The following GNS variants were observed in gnomAD, a reference collection of about 807,000 sequenced individuals.
GNS encodes glucosamine (N-acetyl)-6-sulfatase.
Under a neutral mutation model 69.7 loss-of-function variants are expected in GNS, and 40 were observed. That is an observed-to-expected ratio of 0.57 (90% CI 0.45 to 0.75). The LOEUF (loss-of-function observed/expected upper bound fraction) is 0.75. Ranked by LOEUF, GNS falls within the 30% of genes least tolerant of loss-of-function variation. The pLI is 0.00. For synonymous variants in GNS, 243 were observed against 251.6 expected, an observed-to-expected ratio of 0.97 and a Z score of 0.32; for missense variants, 565 against 685.5, an observed-to-expected ratio of 0.82 and a Z score of 1.96.
At chr12:64,726,908 T>C (rs1180907720) in intron 10 of GNS, among the ~76,000 whole-genome samples, 1 of 142,012 alleles carries the variant, frequency 7.0e-6, no homozygotes, top group Non-Finnish European at 1.5e-5. Flanking sequence ...TGAAAAGTGA[T>C]TCCCTGATCA....
At chr12:64,727,113 C>T (rs1305064928) in intron 10 of GNS, among the ~76,000 whole-genome samples, 8 of 151,648 alleles carry the variant, frequency 5.3e-5, no homozygotes, top group African/African-American at 2.4e-5. Flanking sequence ...CAGATAATAG[C>T]AAGTATTGGC....
At chr12:64,738,634 A>C (rs1869625678) in intron 8 of GNS, among the ~76,000 whole-genome samples, 1 of 152,048 alleles carries the variant, frequency 6.6e-6, no homozygotes, top group African/African-American at 2.4e-5. Context: ...CCAACATGGC[A>C]AAAACCCATC....
intron 5 of GNS, 149 bp from the exon 6 acceptor site, chr12:64,743,457 C>A: frequency 1.5e-6 from 1 of 668,520 alleles, no homozygotes; most frequent in African/African-American, 1.8e-5. Flanking sequence ...CATTTGCAAG[C>A]ATATTGTTGG....
intron 10 of GNS, among the ~76,000 whole-genome samples, chr12:64,723,490 A>G (rs1271008557): frequency 6.6e-6 from 1 of 152,252 alleles, no homozygotes; most frequent in Non-Finnish European, 1.5e-5. Flanking sequence ...TTTTAAGCTC[A>G]GACTAAGAAA....
intron 11 of GNS, 72 bp from the exon 12 acceptor site, chr12:64,721,777 G>A (rs1397165784): frequency 2.4e-6 from 2 of 842,734 alleles, no homozygotes. Flanking sequence ...GCCTAGAAGG[G>A]CAATCGGCTT....
chr12:64,721,809 T>C (rs150330467), intron 11 of GNS, 104 bp from the exon 12 acceptor site: 3 of 746,950 alleles, frequency 4.0e-6, no homozygotes, highest in African/African-American at 3.4e-5. Flanking sequence ...GACATGCAAT[T>C]TGACAGCAAT....
At position 64,732,167 on chromosome 12, in the gene GNS, TTG is replaced by T. The variant is rs1345923203; in HGVS notation, c.1099-3112_1099-3111del. On this transcript the variant is annotated intron_variant, in intron 9 of 13. Coordinates refer to ENST00000258145, the MANE Select transcript of GNS (RefSeq NM_002076.4). Reference sequence around the variant, plus strand: ...ACACCTGGCTAATTTTTTTTTTTTGTTGTTTTTTTTTTTTTTTTGAGACGGAG... The same window carrying T: ...ACACCTGGCTAATTTTTTTTTTTTGTTTTTTTTTTTTTTTTTGAGACGGAG... Among the ~76,000 whole-genome samples the T allele has an allele frequency of 6.7e-4, 36 of 53,986 alleles. 8 individuals carry two copies. The South Asian group carries it at 8.0e-3, about 12-fold the overall frequency. The allele number at this position is 53,986 out of a possible 152,430, so 35.4% of individuals were successfully genotyped here.
intron 9 of GNS, among the ~76,000 whole-genome samples, chr12:64,731,881 AGC>A (rs1182876281): frequency 2.0e-5 from 3 of 152,216 alleles, no homozygotes; most frequent in Non-Finnish European, 4.4e-5. Flanking sequence ...GGCTGCAGTG[AGC>A]CATGTTTGAG....
At chr12:64,747,983 A>G in intron 2 of GNS, 65 bp from the exon 3 acceptor site, 1 of 867,602 alleles carries the variant, frequency 1.2e-6, no homozygotes, top group African/African-American at 1.6e-5. Context: ...CATCATTGTT[A>G]AAGAGAGTAA....
Position 64,729,043 on chromosome 12 carries a change from G to A in GNS, c.1113C>T (p.Asn371=), listed in dbSNP as rs116798538. The part of the protein sequence containing the change: ...PNQTSKMLVA[N]IDLGPTILDI... ...CCAAAATAGTAGGACCCAAGTCAAT[G>A]TTGGCAACCAGCATCTATGAGAATG... Residue 371 remains asparagine, a synonymous_variant, in exon 10 of 14, where the codon AAC becomes AAT. Transcript: ENST00000258145. The A allele has an allele frequency of 4.9e-4, 768 of 1,570,852 alleles. 4 individuals are homozygous for A. In the African/African-American group the frequency reaches 9.7e-3, roughly 20 times the overall value.
At position 64,740,598 on chromosome 12, in the gene GNS, G is replaced by A; in HGVS notation, c.875+8C>T. 7.0e-7 allele frequency: 1 copy of A among 1,424,494 alleles called. No homozygotes were observed. The highest frequency in any genetic ancestry group is 1.1e-5 in the South Asian group (1 of 87,296). The allele number at this position is 1,424,494 out of a possible 1,614,324, so 88.2% of individuals were successfully genotyped here. A position where few individuals can be genotyped will look rare whatever the true frequency, so the allele number is the denominator to read the frequency against. On this transcript the variant is annotated splice_region_variant and intron_variant, in intron 7 of 13. Coordinates refer to ENST00000258145, the MANE Select transcript of GNS (RefSeq NM_002076.4). Reference sequence around the variant, plus strand: ...CCACTCAGATTGTTATGTAGCAGCAGCTCTTACCTTTTCCTAAATGCATTA... The same window carrying A: ...CCACTCAGATTGTTATGTAGCAGCAACTCTTACCTTTTCCTAAATGCATTA...
chr12:64,759,063 G>A (rs1870379690), intron 1 of GNS, 22 bp downstream of exon 1: 3 of 1,542,814 alleles, frequency 1.9e-6, no homozygotes, highest in Admixed American at 3.9e-5. Context: ...ATAGAGGGGC[G>A]GGGCAGAAAC....
At chr12:64,743,001 G>T in intron 6 of GNS, 140 bp downstream of exon 6, 1 of 768,326 alleles carries the variant, frequency 1.3e-6, no homozygotes. Flanking sequence ...TTATACTATT[G>T]GTTGTACTAG....
At chr12:64,738,681 C>T (rs946716950) in intron 8 of GNS, among the ~76,000 whole-genome samples, 3 of 151,962 alleles carry the variant, frequency 2.0e-5, no homozygotes, top group East Asian at 3.9e-4. Flanking sequence ...GGCGTGGTGG[C>T]GTGTGCCTGT....
intron 6 of GNS, among the ~76,000 whole-genome samples, chr12:64,742,469 T>C (rs1869776474): frequency 1.3e-5 from 2 of 152,338 alleles, no homozygotes; most frequent in Admixed American, 1.3e-4. Context: ...CCACTTCACA[T>C]GAAAAAATGA....
intron 10 of GNS, among the ~76,000 whole-genome samples, chr12:64,726,230 T>C (rs1037074603): frequency 6.6e-6 from 1 of 151,962 alleles, no homozygotes; most frequent in African/African-American, 2.4e-5. Flanking sequence ...GGTATGCCTA[T>C]GCAAATTGAG....
At chr12:64,729,566 G>A (rs747611754) in intron 9 of GNS, among the ~76,000 whole-genome samples, 3 of 152,176 alleles carry the variant, frequency 2.0e-5, no homozygotes, top group Non-Finnish European at 4.4e-5. Flanking sequence ...TTTGCAACAG[G>A]CTGTGAAGGC....
rs187020288 is a variant in GNS at position 64,735,316 on chromosome 12, G to A, written c.1098+1688C>T. Reference sequence around the variant, plus strand: ...CTACTTTTTGGCTACGTGATCTTCAGCAAACAACTTCTCTGCTTCAGTTTT... The same window carrying A: ...CTACTTTTTGGCTACGTGATCTTCAACAAACAACTTCTCTGCTTCAGTTTT... On this transcript the variant is annotated intron_variant, in intron 9 of 13. Coordinates refer to ENST00000258145, the MANE Select transcript of GNS (RefSeq NM_002076.4). Among the ~76,000 whole-genome samples, 15 of 152,318 alleles carry A rather than the reference G, an allele frequency of 9.8e-5. No homozygotes were observed. In the East Asian group the frequency reaches 2.9e-3, roughly 29 times the overall value.
chr12:64,756,480 T>C (rs1211524641), intron 1 of GNS, among the ~76,000 whole-genome samples: 1 of 152,224 alleles, frequency 6.6e-6, no homozygotes. Context: ...CACAGTATTC[T>C]AGAATAGGAG....
Sources: gnomAD v4.1 joint callset for allele counts (sites outside exome capture counted in the v4.1 genomes callset) on GRCh38, gnomAD v4.1.1 for gene constraint, MANE v1.5 for transcripts, NCBI Gene and HGNC (gene_info 2026-07-23, HGNC 2026-07-21) for gene names.